The following MBNL2 variants were observed in gnomAD, a reference collection of about 807,000 sequenced individuals.
The protein encoded by MBNL2 is muscleblind like splicing regulator 2, also known as muscleblind-like protein 2.
Under a neutral mutation model 41.9 loss-of-function variants are expected in MBNL2, and 17 were observed. The observed-to-expected ratio is 0.41, with a 90% confidence interval of 0.28 to 0.61. The LOEUF (loss-of-function observed/expected upper bound fraction) is 0.61, where lower values mean the gene tolerates loss of function less well. MBNL2 is among the 20% of genes least tolerant of loss of function. The pLI is 0.35. For synonymous variants in MBNL2, 195 were observed against 182.9 expected, an observed-to-expected ratio of 1.07 and a Z score of -0.53; for missense variants, 336 against 505.6, an observed-to-expected ratio of 0.66 and a Z score of 3.22.
intron 2 of MBNL2, among the ~76,000 whole-genome samples, chr13:97,287,149 G>A (rs185808084): frequency 1.6e-4 from 24 of 152,266 alleles, no homozygotes; most frequent in African/African-American, 4.3e-4. Flanking sequence ...TTTACAACTC[G>A]AAAGGTGTGG....
intron 3 of MBNL2, among the ~76,000 whole-genome samples, chr13:97,337,723 G>A (rs1046797649): frequency 3.3e-5 from 5 of 152,038 alleles, no homozygotes; most frequent in Non-Finnish European, 4.4e-5. Context: ...ACTGGCAATC[G>A]AAAACCAAAA....
chr13:97,387,190 G>A (rs140144920), intron 8 of MBNL2, among the ~76,000 whole-genome samples: 372 of 151,978 alleles, frequency 2.4e-3, no homozygotes, highest in African/African-American at 8.8e-3. Flanking sequence ...GTCTCCCAGG[G>A]AGACAAATAG....
intron 8 of MBNL2, among the ~76,000 whole-genome samples, chr13:97,386,738 A>C (rs2065950622): frequency 6.6e-6 from 1 of 152,184 alleles, no homozygotes; most frequent in Admixed American, 6.5e-5. Context: ...CAGGTACTGG[A>C]TTCACATTGG....
At chr13:97,362,125 G>T (rs1286218643) in intron 7 of MBNL2, among the ~76,000 whole-genome samples, 1 of 150,972 alleles carries the variant, frequency 6.6e-6, no homozygotes, top group African/African-American at 2.4e-5. Context: ...CTTGGGACCA[G>T]AAATATTTCA....
intron 8 of MBNL2, among the ~76,000 whole-genome samples, chr13:97,377,855 T>C (rs992352848): frequency 2.6e-4 from 40 of 152,246 alleles, no homozygotes; most frequent in African/African-American, 7.7e-4. Context: ...CAAAGGTATT[T>C]AAGAGTTGTT....
At chr13:97,249,418 T>C (rs2046101182) in intron 1 of MBNL2, among the ~76,000 whole-genome samples, 1 of 152,252 alleles carries the variant, frequency 6.6e-6, no homozygotes, top group Non-Finnish European at 1.5e-5. Flanking sequence ...TATTTTCTGA[T>C]GATAAAATAC....
intron 8 of MBNL2, among the ~76,000 whole-genome samples, chr13:97,390,504 T>C (rs1566458483): frequency 6.6e-6 from 1 of 152,210 alleles, no homozygotes; most frequent in Non-Finnish European, 1.5e-5. Flanking sequence ...TTAGAAAAGA[T>C]TAAATAGTTT....
intron 3 of MBNL2, among the ~76,000 whole-genome samples, chr13:97,340,309 G>C (rs77187036): frequency 5.9e-5 from 9 of 152,268 alleles, no homozygotes; most frequent in African/African-American, 1.4e-4. Flanking sequence ...TCTTCGTAAG[G>C]CCTATGAACT....
intron 1 of MBNL2, among the ~76,000 whole-genome samples, chr13:97,274,231 G>A (rs2051695927): frequency 1.3e-5 from 2 of 152,212 alleles, no homozygotes; most frequent in African/African-American, 4.8e-5. Flanking sequence ...GCTCACGCCT[G>A]TAATCCCAGC....
At chr13:97,311,008 G>A (rs2058557645) in intron 2 of MBNL2, among the ~76,000 whole-genome samples, 1 of 152,102 alleles carries the variant, frequency 6.6e-6, no homozygotes, top group Non-Finnish European at 1.5e-5. Flanking sequence ...TGAGTGCTCA[G>A]ATAAGATTAC....
At chr13:97,144,310 G>A in the MBNL2 span, among the ~76,000 whole-genome samples, 1 of 152,032 alleles carries the variant, frequency 6.6e-6, no homozygotes, top group Admixed American at 6.6e-5. Flanking sequence ...CCAGATACCC[G>A]TAGGATCCTG....
rs537865323 is a variant in MBNL2 at position 97,393,513 on chromosome 13, G to A, written c.*2064G>A. ...TAACCCCAAGCAAATATAGAAGACT[G>A]TATTTTTTACTATGATATCCATTTT... On this transcript the variant is annotated 3_prime_UTR_variant, in exon 9 of 9. Transcript: ENST00000679496. 1.3e-5 allele frequency: 2 copies of A among 152,414 alleles called. No individual in the cohort carries two copies. The highest frequency in any genetic ancestry group is 4.1e-4 in the South Asian group (2 of 4,830). The allele number at this position is 152,414 out of a possible 1,614,324, so 9.4% of individuals were successfully genotyped here. A position where few individuals can be genotyped will look rare whatever the true frequency, so the allele number is the denominator to read the frequency against.
chr13:97,327,443 C>G (rs1363316145), intron 2 of MBNL2, among the ~76,000 whole-genome samples: 1 of 151,254 alleles, frequency 6.6e-6, no homozygotes, highest in Non-Finnish European at 1.5e-5. Context: ...TACGTTTCTT[C>G]CTGAGCAACT....
At chr13:97,200,557 G>A in the MBNL2 span, among the ~76,000 whole-genome samples, 1 of 152,074 alleles carries the variant, frequency 6.6e-6, no homozygotes, top group Non-Finnish European at 1.5e-5. Context: ...AATAGTCATT[G>A]GACAACAAAA....
intron 1 of MBNL2, among the ~76,000 whole-genome samples, chr13:97,267,914 C>G (rs766150981): frequency 2.6e-4 from 40 of 152,182 alleles, no homozygotes; most frequent in African/African-American, 8.4e-4. Context: ...GCCTGGCACA[C>G]AGAAGGCAAG....
At chr13:97,224,051 C>G (rs2041212658) in intron 1 of MBNL2, among the ~76,000 whole-genome samples, 1 of 152,250 alleles carries the variant, frequency 6.6e-6, no homozygotes, top group African/African-American at 2.4e-5. Context: ...AGGGCATCTT[C>G]TTGTACCTGC....
rs1376932639 is a variant in MBNL2, at chr13:97,343,248, A to G, written c.540+32A>G. The G allele has an allele frequency of 3.4e-6, 5 of 1,474,050 alleles. No individual in the cohort carries two copies. The East Asian group carries it at 1.1e-4, about 34-fold the overall frequency. 91.3% of individuals were successfully genotyped at this position (1,474,050 alleles called of 1,614,324 possible). ...CAATTCTACTTGTGTTTTGACATGC[A>G]TTTGTGGTAGAAATATACTTCTGTG... On this transcript the variant is annotated intron_variant, in intron 4 of 8. Coordinates refer to ENST00000679496, the MANE Select transcript of MBNL2 (RefSeq NM_001382683.1).
At chr13:97,161,782 G>A in the MBNL2 span, among the ~76,000 whole-genome samples, 18 of 152,130 alleles carry the variant, frequency 1.2e-4, no homozygotes, top group African/African-American at 2.4e-4. Flanking sequence ...TTCAGTTGCC[G>A]TGAGCTGTAC....
At chr13:97,383,277 T>G (rs1047240334) in intron 8 of MBNL2, among the ~76,000 whole-genome samples, 1 of 152,196 alleles carries the variant, frequency 6.6e-6, no homozygotes, top group Non-Finnish European at 1.5e-5. Context: ...CATAAGAACC[T>G]AGATGTTTTT....
Sources: gnomAD v4.1 joint callset for allele counts (sites outside exome capture counted in the v4.1 genomes callset) on GRCh38, gnomAD v4.1.1 for gene constraint, MANE v1.5 for transcripts, NCBI Gene and HGNC (gene_info 2026-07-23, HGNC 2026-07-21) for gene names.